JAZF1: variants seen among roughly 807,000 people sequenced by gnomAD.
JAZF1 encodes JAZF zinc finger 1, also known as juxtaposed with another zinc finger protein 1.
Under a neutral mutation model 26.4 loss-of-function variants are expected in JAZF1, and 8 were observed. That is an observed-to-expected ratio of 0.30 (90% confidence interval 0.18 to 0.55). The LOEUF is 0.55. Among genes scored for constraint, JAZF1 ranks in the 20% least tolerant of loss-of-function variants. JAZF1 has a pLI of 0.94. For missense variants in JAZF1, 199 were observed against 322.0 expected, an observed-to-expected ratio of 0.62 and a Z score of 2.92; for synonymous variants, 126 against 122.3, an observed-to-expected ratio of 1.03 and a Z score of -0.20.
chr7:28,135,996 A>G (rs1486273415), intron 1 of JAZF1, among the ~76,000 whole-genome samples: 1 of 152,148 alleles, frequency 6.6e-6, no homozygotes, highest in Non-Finnish European at 1.5e-5. Flanking sequence ...CAACTGTACA[A>G]ATACCTTTTT....
chr7:28,002,667 T>C (rs762539006), intron 1 of JAZF1, among the ~76,000 whole-genome samples: 2 of 152,232 alleles, frequency 1.3e-5, no homozygotes, highest in Non-Finnish European at 2.9e-5. Flanking sequence ...TGTGGCATAA[T>C]GGTACATAGA....
chr7:28,173,481 T>A (rs1427396574), intron 1 of JAZF1, among the ~76,000 whole-genome samples: 1 of 152,178 alleles, frequency 6.6e-6, no homozygotes, highest in Non-Finnish European at 1.5e-5. Flanking sequence ...ACATGTATTA[T>A]TTATATATGT....
At position 28,064,178 on chromosome 7, in the gene JAZF1, C is replaced by T. The variant is rs980693070; in HGVS notation, c.116-72197G>A. Among the ~76,000 whole-genome samples, 3 of 151,962 alleles carry T rather than the reference C, an allele frequency of 2.0e-5. No individual in the cohort carries two copies. The East Asian group carries it at 5.8e-4, about 29-fold the overall frequency. On this transcript the variant is annotated intron_variant, in intron 1 of 4. Transcript: ENST00000283928. ...GGAAACCAAAGATATGGAATTAACA[C>T]CCCTCAATGACCGGAACATCTGGCT... is the stretch of plus-strand genomic sequence containing the variant.
At chr7:27,894,413 T>C (rs1241347893) in intron 3 of JAZF1, among the ~76,000 whole-genome samples, 1 of 152,238 alleles carries the variant, frequency 6.6e-6, no homozygotes, top group Non-Finnish European at 1.5e-5. Flanking sequence ...AACTTTGTCT[T>C]CAGATTATTA....
At chr7:28,115,700 T>G (rs145824789) in intron 1 of JAZF1, among the ~76,000 whole-genome samples, 9 of 152,188 alleles carry the variant, frequency 5.9e-5, no homozygotes, top group Admixed American at 5.2e-4. Context: ...GAGTACACAA[T>G]GAAGAGTATT....
At chr7:28,080,757 G>A (rs922994686) in intron 1 of JAZF1, among the ~76,000 whole-genome samples, 2 of 152,174 alleles carry the variant, frequency 1.3e-5, no homozygotes, top group Non-Finnish European at 2.9e-5. Context: ...TTATATGGGT[G>A]CAGTTCATGG....
intron 1 of JAZF1, among the ~76,000 whole-genome samples, chr7:28,087,260 C>T (rs1784225415): frequency 2.6e-5 from 4 of 151,770 alleles, no homozygotes. Flanking sequence ...CACTTGATTT[C>T]AAGAATACAT....
At chr7:27,852,936 C>G (rs894451980) in intron 3 of JAZF1, among the ~76,000 whole-genome samples, 2 of 152,206 alleles carry the variant, frequency 1.3e-5, no homozygotes, top group Non-Finnish European at 2.9e-5. Context: ...ATCCCCATTA[C>G]TATTTTTTAA....
intron 3 of JAZF1, among the ~76,000 whole-genome samples, chr7:27,875,655 G>A (rs966397331): frequency 5.6e-4 from 85 of 152,204 alleles, no homozygotes; most frequent in Non-Finnish European, 8.5e-4. Flanking sequence ...CTAGGCAGGT[G>A]CCTGCCCTGC....
At chr7:27,908,587 C>A (rs1200231760) in intron 2 of JAZF1, among the ~76,000 whole-genome samples, 1 of 152,160 alleles carries the variant, frequency 6.6e-6, no homozygotes, top group Non-Finnish European at 1.5e-5. Flanking sequence ...GCAGACCAAA[C>A]CAGAATGGAG....
chr7:28,138,898 G>A (rs1452113331), intron 1 of JAZF1, among the ~76,000 whole-genome samples: 4 of 152,200 alleles, frequency 2.6e-5, no homozygotes, highest in Non-Finnish European at 5.9e-5. Context: ...AGCGGCTGGA[G>A]GCTCAAATGA....
chr7:28,011,352 A>C (rs1782795217), intron 1 of JAZF1, among the ~76,000 whole-genome samples: 1 of 152,224 alleles, frequency 6.6e-6, no homozygotes. Flanking sequence ...GAGTTTTAGA[A>C]TGCATTGCAC....
At chr7:28,052,997 G>C (rs1202429177) in intron 1 of JAZF1, among the ~76,000 whole-genome samples, 2 of 152,116 alleles carry the variant, frequency 1.3e-5, no homozygotes, top group Non-Finnish European at 2.9e-5. Flanking sequence ...TCCTCCCCCA[G>C]CCTTTGACAA....
chr7:27,913,061 C>G (rs958792237), intron 2 of JAZF1, among the ~76,000 whole-genome samples: 8 of 151,974 alleles, frequency 5.3e-5, no homozygotes, highest in African/African-American at 1.9e-4. Flanking sequence ...TATCTGGGAG[C>G]TACTTAGTGG....
At chr7:28,095,022 C>G (rs116323346) in intron 1 of JAZF1, among the ~76,000 whole-genome samples, 1 of 152,126 alleles carries the variant, frequency 6.6e-6, no homozygotes, top group African/African-American at 2.4e-5. Flanking sequence ...TTACCTGATA[C>G]CCACATGTAC....
chr7:28,004,027 AC>A (rs1357568753), intron 1 of JAZF1, among the ~76,000 whole-genome samples: 25 of 152,278 alleles, frequency 1.6e-4, no homozygotes, highest in African/African-American at 6.0e-4. Flanking sequence ...CAACACACAT[AC>A]AAAAAGGTCT....
chr7:28,149,324 GA>G (rs1238086696), intron 1 of JAZF1, among the ~76,000 whole-genome samples: 1 of 152,120 alleles, frequency 6.6e-6, no homozygotes, highest in Non-Finnish European at 1.5e-5. Flanking sequence ...AAGTGCCAAA[GA>G]AGTATGTCGC....
chr7:27,957,097 C>T (rs1785108024), intron 2 of JAZF1, among the ~76,000 whole-genome samples: 1 of 152,168 alleles, frequency 6.6e-6, no homozygotes, highest in African/African-American at 2.4e-5. Context: ...TGGCAAAGGC[C>T]TATTTGGACC....
At chr7:27,907,987 T>C (rs978655640) in intron 2 of JAZF1, among the ~76,000 whole-genome samples, 1 of 152,172 alleles carries the variant, frequency 6.6e-6, no homozygotes, top group Non-Finnish European at 1.5e-5. Context: ...TTCTTCTATA[T>C]CTACTGAGAT....
Sources: allele counts gnomAD v4.1 joint callset (sites outside exome capture counted in the v4.1 genomes callset), GRCh38; gene constraint gnomAD v4.1.1; transcripts MANE v1.5; gene names NCBI Gene and HGNC (gene_info 2026-07-23, HGNC 2026-07-21).